CNTN4: variants seen among roughly 807,000 people sequenced by gnomAD.
CNTN4 encodes the protein contactin-4.
A neutral mutation model predicts 122.5 loss-of-function variants in CNTN4; 77 were observed. That is an observed-to-expected ratio of 0.63 (90% CI 0.52 to 0.76). The LOEUF (loss-of-function observed/expected upper bound fraction) is 0.76. Ranked by LOEUF, CNTN4 falls within the 30% of genes least tolerant of loss-of-function variation. The pLI is 0.00. For synonymous variants in CNTN4, 512 were observed against 447.0 expected (o/e 1.15, Z -1.83); for missense variants, 1,256 against 1,259.1 (o/e 1.00, Z 0.04).
At chr3:3,019,452 C>T (rs1302980021) in intron 14 of CNTN4, among the ~76,000 whole-genome samples, 1 of 151,866 alleles carries the variant, frequency 6.6e-6, no homozygotes, top group Middle Eastern at 3.2e-3. Flanking sequence ...GTACCACACT[C>T]AACTAGTTTT....
intron 2 of CNTN4, among the ~76,000 whole-genome samples, chr3:2,106,680 C>T (rs988559394): frequency 5.3e-5 from 8 of 152,214 alleles, no homozygotes; most frequent in Non-Finnish European, 7.3e-5. Context: ...GAGGGGCTGC[C>T]GCCAAGATCT....
rs377711635 is a variant in CNTN4, at chr3:2,867,042, T to A, written c.652+93T>A. 758 of 1,157,662 alleles carry A rather than the reference T, an allele frequency of 6.5e-4. 14 individuals carry two copies. The South Asian group carries it at 9.2e-3, about 14-fold the overall frequency. The allele number at this position is 1,157,662 out of a possible 1,614,324, so 71.7% of individuals were successfully genotyped here. A position where few individuals can be genotyped will look rare whatever the true frequency, so the allele number is the denominator to read the frequency against. ...GTTGTTGGCACATGAAGCTTTGTTGTCTAAATTAAATGTAAGAAAAGTTTA... is the reference window on the plus strand; with the variant it reads ...GTTGTTGGCACATGAAGCTTTGTTGACTAAATTAAATGTAAGAAAAGTTTA... On this transcript the variant is annotated intron_variant, in intron 8 of 24. Coordinates refer to ENST00000418658, the MANE Select transcript of CNTN4 (RefSeq NM_175607.3).
chr3:2,741,705 G>A (rs768880027), intron 5 of CNTN4, among the ~76,000 whole-genome samples: 7 of 152,300 alleles, frequency 4.6e-5, no homozygotes, highest in South Asian at 2.1e-4. Context: ...TTTGCCTTGC[G>A]TAGCCAAGTG....
chr3:2,501,652 T>A (rs986912970), intron 3 of CNTN4, among the ~76,000 whole-genome samples: 1 of 152,152 alleles, frequency 6.6e-6, no homozygotes, highest in Non-Finnish European at 1.5e-5. Flanking sequence ...GTGTATTTGA[T>A]CCTCTCATAT....
At chr3:2,565,404 GAGTATAA>G (rs1384480400) in intron 3 of CNTN4, among the ~76,000 whole-genome samples, 1 of 152,144 alleles carries the variant, frequency 6.6e-6, no homozygotes, top group African/African-American at 2.4e-5. Flanking sequence ...CTGGTAGATA[GAGTATAA>G]AGCTGGTTAA....
intron 2 of CNTN4, among the ~76,000 whole-genome samples, chr3:2,328,894 C>A (rs1446371773): frequency 6.6e-6 from 1 of 152,092 alleles, no homozygotes; most frequent in Non-Finnish European, 1.5e-5. Flanking sequence ...CGACTGCATT[C>A]TCCAAATCCT....
chr3:2,249,051 A>G (rs551936533), intron 2 of CNTN4, among the ~76,000 whole-genome samples: 1 of 152,058 alleles, frequency 6.6e-6, no homozygotes, highest in Admixed American at 6.6e-5. Flanking sequence ...AAAAAATTGT[A>G]CCCTGACCTC....
In CNTN4 at chr3:3,042,438, G is replaced by T. The variant is rs1196988080; in HGVS notation, c.2511+16G>T. Reference sequence around the variant, plus strand: ...AGGTTATGAGGTAGGCAAGACATATGTGCCTTGGGTCTGAAAGAGAGTCTA... The same window carrying T: ...AGGTTATGAGGTAGGCAAGACATATTTGCCTTGGGTCTGAAAGAGAGTCTA... On this transcript the variant is annotated intron_variant, in intron 21 of 24. Transcript: ENST00000418658. 3.3e-6 allele frequency: 5 copies of T among 1,509,182 alleles called. No homozygotes were observed. The highest frequency in any genetic ancestry group is 1.4e-5 in the African/African-American group (1 of 72,800). The allele number at this position is 1,509,182 out of a possible 1,614,324, so 93.5% of individuals were successfully genotyped here.
chr3:2,314,551 G>C (rs535862859), intron 2 of CNTN4, among the ~76,000 whole-genome samples: 37 of 151,752 alleles, frequency 2.4e-4, no homozygotes, highest in African/African-American at 8.9e-4. Context: ...CTGTATATCA[G>C]ATGAAACTCA....
chr3:2,362,656 T>C (rs550282254), intron 3 of CNTN4: 36 of 411,956 alleles, frequency 8.7e-5, no homozygotes, highest in African/African-American at 5.0e-4. Context: ...CAACTTGAGA[T>C]CAATGATGAG....
At chr3:2,701,642 TG>T (rs2149261771) in intron 4 of CNTN4, among the ~76,000 whole-genome samples, 1 of 152,262 alleles carries the variant, frequency 6.6e-6, no homozygotes, top group African/African-American at 2.4e-5. Context: ...TAGACAGCAG[TG>T]GTAACATCCT....
At chr3:2,551,031 TCATGGCACGTGTATA>T (rs2078481362) in intron 3 of CNTN4, among the ~76,000 whole-genome samples, 1 of 151,862 alleles carries the variant, frequency 6.6e-6, no homozygotes. Context: ...CAGCAAACCA[TCATGGCACGTGTATA>T]CCTATGTAAC....
At chr3:2,504,717 AAAC>A (rs2076687708) in intron 3 of CNTN4, among the ~76,000 whole-genome samples, 2 of 152,204 alleles carry the variant, frequency 1.3e-5, no homozygotes, top group African/African-American at 4.8e-5. Flanking sequence ...TATTGTGATC[AAAC>A]AACAACAGGA....
At chr3:2,903,034 A>C in intron 12 of CNTN4, 29 bp downstream of exon 12, 2 of 1,608,988 alleles carry the variant, frequency 1.2e-6, no homozygotes, top group Non-Finnish European at 1.7e-6. Context: ...AAGAAAAAAA[A>C]ATTAAAACTC....
chr3:2,916,816 G>T (rs971660527), intron 12 of CNTN4, among the ~76,000 whole-genome samples: 1 of 150,788 alleles, frequency 6.6e-6, no homozygotes, highest in Admixed American at 6.6e-5. Flanking sequence ...CGGGGCCGCC[G>T]GGTGGAGACG....
At chr3:2,615,099 G>C (rs1312449413) in intron 4 of CNTN4, among the ~76,000 whole-genome samples, 1 of 151,986 alleles carries the variant, frequency 6.6e-6, no homozygotes, top group Non-Finnish European at 1.5e-5. Flanking sequence ...GGCTTGCTTT[G>C]AAAATTTGTT....
At chr3:2,701,143 C>G (rs993538515) in intron 4 of CNTN4, among the ~76,000 whole-genome samples, 4 of 152,266 alleles carry the variant, frequency 2.6e-5, no homozygotes, top group African/African-American at 9.6e-5. Context: ...CTGGTACTCC[C>G]TTATTTTTAT....
At chr3:2,954,081 CA>C (rs1183088345) in intron 13 of CNTN4, among the ~76,000 whole-genome samples, 1 of 152,098 alleles carries the variant, frequency 6.6e-6, no homozygotes, top group Non-Finnish European at 1.5e-5. Flanking sequence ...TAATCGTTTC[CA>C]AAATGGAGAT....
At chr3:2,693,608 A>G (rs2085858518) in intron 4 of CNTN4, among the ~76,000 whole-genome samples, 2 of 152,146 alleles carry the variant, frequency 1.3e-5, no homozygotes, top group Non-Finnish European at 2.9e-5. Flanking sequence ...TTTGGAGGAG[A>G]AGTCAGCTTT....
Sources: gnomAD v4.1 joint callset for allele counts (sites outside exome capture counted in the v4.1 genomes callset) on GRCh38, gnomAD v4.1.1 for gene constraint, MANE v1.5 for transcripts, NCBI Gene and HGNC (gene_info 2026-07-23, HGNC 2026-07-21) for gene names.